The following ODF2L variants were observed in gnomAD, a reference collection of about 807,000 sequenced individuals.
ODF2L encodes the protein outer dense fiber of sperm tails 2 like.
ODF2L carries 76 observed loss-of-function variants against 86.3 expected under a neutral mutation model. That is an observed-to-expected ratio of 0.88 (90% CI 0.73 to 1.07). The LOEUF is 1.07. ODF2L is among the 50% of genes least tolerant of loss of function. The pLI, the probability that ODF2L is intolerant of heterozygous loss-of-function variation, is 0.00. For missense variants in ODF2L, 748 were observed against 717.4 expected (o/e 1.04, Z -0.49); for synonymous variants, 241 against 231.3 (o/e 1.04, Z -0.38).
At chr1:86,391,639 T>C (rs962951740) in intron 1 of ODF2L, among the ~76,000 whole-genome samples, 1 of 152,158 alleles carries the variant, frequency 6.6e-6, no homozygotes, top group Non-Finnish European at 1.5e-5. Context: ...GAGAATGAAA[T>C]TGGATCTTCA....
chr1:86,371,789 TA>T (rs1181430322), intron 9 of ODF2L, among the ~76,000 whole-genome samples: 1 of 152,218 alleles, frequency 6.6e-6, no homozygotes, highest in African/African-American at 2.4e-5. Flanking sequence ...CATTCTTGTT[TA>T]AAAGAGAAAC....
chr1:86,380,304 T>G (rs1027848530), intron 7 of ODF2L, among the ~76,000 whole-genome samples: 12 of 152,092 alleles, frequency 7.9e-5, no homozygotes, highest in African/African-American at 2.9e-4. Flanking sequence ...AGTGACTAAG[T>G]AAACTAAGAG....
intron 11 of ODF2L, among the ~76,000 whole-genome samples, chr1:86,366,391 TACACACACACACACACACAC>T (rs71643841): frequency 6.7e-5 from 8 of 119,298 alleles, no homozygotes; most frequent in Non-Finnish European, 1.2e-4. Flanking sequence ...AGACCCCACC[TACACACACACACACACACAC>T]ACACACACAC....
chr1:86,380,708 A>G (rs1660522789), intron 7 of ODF2L, among the ~76,000 whole-genome samples: 1 of 152,142 alleles, frequency 6.6e-6, no homozygotes, highest in Non-Finnish European at 1.5e-5. Context: ...CTATCTCCAA[A>G]GCAATGTCTG....
rs564963911 is a variant in ODF2L, at chr1:86,357,286, G to C, written c.1360-684C>G. Among the ~76,000 whole-genome samples the C allele has an allele frequency of 5.9e-5, 9 of 151,422 alleles. No individual in the cohort carries two copies. The East Asian group carries it at 1.4e-3, about 23-fold the overall frequency. ...AAAAATAGCCAGACTCTTTCCCTGA[G>C]ACAGGAACACCTAATAGTTTCTGTG... On this transcript the variant is annotated intron_variant, in intron 13 of 17. Coordinates refer to ENST00000317336, the Ensembl canonical transcript of ODF2L.
chr1:86,394,297 TC>T (rs1056445704), intron 1 of ODF2L, among the ~76,000 whole-genome samples: 46 of 151,756 alleles, frequency 3.0e-4, no homozygotes, highest in Admixed American at 8.5e-4. Context: ...GCACCTGTAG[TC>T]CCAGCTACTC....
chr1:86,349,930 T>TA, downstream of ODF2L: 1 of 157,634 alleles, frequency 6.3e-6, no homozygotes, highest in Admixed American at 6.5e-5. Flanking sequence ...TCAGAGTGCT[T>TA]ACAATTCAAA....
At chr1:86,390,194 G>A (rs111635647) in intron 1 of ODF2L, among the ~76,000 whole-genome samples, 1,725 of 152,224 alleles carry the variant, frequency 0.011, 23 homozygotes, top group Admixed American at 0.029. Flanking sequence ...AGGCTGAAGC[G>A]GGTGGATCGT....
intron 13 of ODF2L, chr1:86,357,603 G>GAA (rs72508994): frequency 3.1e-3 from 527 of 168,354 alleles, no homozygotes; most frequent in Middle Eastern, 5.9e-3. Flanking sequence ...AGTAAAACAG[G>GAA]AAAAAAAAAA....
intron 1 of ODF2L, among the ~76,000 whole-genome samples, chr1:86,394,308 CGA>C (rs1464109588): frequency 6.6e-6 from 1 of 150,968 alleles, no homozygotes; most frequent in Non-Finnish European, 1.5e-5. Flanking sequence ...CCCAGCTACT[CGA>C]GAGGCTGAGG....
intron 11 of ODF2L, among the ~76,000 whole-genome samples, chr1:86,367,848 A>G (rs1659548711): frequency 6.6e-6 from 1 of 152,146 alleles, no homozygotes; most frequent in Non-Finnish European, 1.5e-5. Flanking sequence ...AAATATCCTT[A>G]TTTTCCAAAT....
chr1:86,380,700 A>G (rs955366410), intron 7 of ODF2L, among the ~76,000 whole-genome samples: 1 of 152,092 alleles, frequency 6.6e-6, no homozygotes, highest in Non-Finnish European at 1.5e-5. Context: ...TTCTTTTTCT[A>G]TCTCCAAAGC....
chr1:86,367,426 A>G (rs924205868), intron 11 of ODF2L, among the ~76,000 whole-genome samples: 1 of 152,168 alleles, frequency 6.6e-6, no homozygotes, highest in Non-Finnish European at 1.5e-5. Flanking sequence ...CCAGCATGGC[A>G]TCTAGGCAGC....
At chr1:86,354,941 A>C (rs1004335342) in intron 14 of ODF2L, 82 bp from the exon 14 acceptor site, 2 of 738,512 alleles carry the variant, frequency 2.7e-6, no homozygotes, top group Admixed American at 2.4e-5. Flanking sequence ...TTGTTAGAAC[A>C]ACCACAAGCA....
chr1:86,383,849 A>G (rs1343112120), intron 4 of ODF2L, among the ~76,000 whole-genome samples: 3 of 151,806 alleles, frequency 2.0e-5, no homozygotes, highest in Non-Finnish European at 4.4e-5. Context: ...AATATTCAAT[A>G]CATGAGAAAA....
intron 14 of ODF2L, chr1:86,355,438 AT>A: frequency 3.1e-6 from 3 of 966,176 alleles, no homozygotes; most frequent in Non-Finnish European, 4.8e-6. Flanking sequence ...TTTTCTCATA[AT>A]TTCAATTAGT....
downstream of ODF2L, chr1:86,349,065 ATGGT>A (rs1316961067): frequency 4.3e-5 from 17 of 391,110 alleles, no homozygotes; most frequent in East Asian, 2.8e-4. Flanking sequence ...AAGCACACAC[ATGGT>A]TGATCTTCAC....
At chr1:86,382,313 C>T in exon 7 of ODF2L, 2 of 1,612,174 alleles carry the variant, frequency 1.2e-6, no homozygotes, top group Non-Finnish European at 1.7e-6. Context: ...CGTTCATGTA[C>T]TACTTTTACT....
chr1:86,379,423 G>A (rs1660410929), intron 7 of ODF2L, among the ~76,000 whole-genome samples: 1 of 152,054 alleles, frequency 6.6e-6, no homozygotes, highest in African/African-American at 2.4e-5. Context: ...TAAAACTTCT[G>A]TGATTAACTC....
Sources: allele counts gnomAD v4.1 joint callset (sites outside exome capture counted in the v4.1 genomes callset), GRCh38; gene constraint gnomAD v4.1.1; transcripts MANE v1.5; gene names NCBI Gene and HGNC (gene_info 2026-07-23, HGNC 2026-07-21).